ANKS1B: variants seen among roughly 807,000 people sequenced by gnomAD.
ANKS1B encodes the protein ankyrin repeat and sterile alpha motif domain containing 1B.
ANKS1B carries 36 observed loss-of-function variants against 148.3 expected under a neutral mutation model. The observed-to-expected ratio is 0.24, with a 90% CI of 0.19 to 0.32. The LOEUF (loss-of-function observed/expected upper bound fraction) is 0.32, where lower values mean the gene tolerates loss of function less well. Among genes scored for constraint, ANKS1B ranks in the 10% least tolerant of loss-of-function variants. ANKS1B has a pLI of 1.00. For missense variants in ANKS1B, 1,157 were observed against 1,542.6 expected (o/e 0.75, Z 4.19); for synonymous variants, 542 against 560.8 (o/e 0.97, Z 0.47).
At chr12:99,559,371 T>C (rs757303890) in intron 9 of ANKS1B, among the ~76,000 whole-genome samples, 39 of 152,234 alleles carry the variant, frequency 2.6e-4, no homozygotes, top group Non-Finnish European at 4.3e-4. Context: ...ATTAAATCAA[T>C]GTTTATGTCA....
chr12:99,433,500 C>G (rs1389260171), intron 11 of ANKS1B, among the ~76,000 whole-genome samples: 1 of 152,100 alleles, frequency 6.6e-6, no homozygotes, highest in African/African-American at 2.4e-5. Context: ...TCCTGAACCA[C>G]ACATTGAGAA....
At chr12:99,389,998 G>A (rs2094002793) in intron 12 of ANKS1B, among the ~76,000 whole-genome samples, 1 of 152,146 alleles carries the variant, frequency 6.6e-6, no homozygotes, top group African/African-American at 2.4e-5. Flanking sequence ...CTTGTTCCAA[G>A]CAATTTTGTG....
chr12:99,176,879 C>A (rs2078458665), intron 14 of ANKS1B, among the ~76,000 whole-genome samples: 1 of 152,160 alleles, frequency 6.6e-6, no homozygotes, highest in East Asian at 1.9e-4. Context: ...TCCTGTACAG[C>A]CTGCAGAGCC....
At chr12:99,058,061 T>G (rs755243251) in intron 16 of ANKS1B, among the ~76,000 whole-genome samples, 1 of 152,126 alleles carries the variant, frequency 6.6e-6, no homozygotes, top group Non-Finnish European at 1.5e-5. Flanking sequence ...TTAAAAACCC[T>G]TGGTGTTTAT....
chr12:99,756,979 A>G lies in ANKS1B; in HGVS notation c.1128+15943T>C, dbSNP rs1359107871. Reference sequence around the variant, plus strand: ...GATTAAAGACTTAAATGTAATACCCAAAACTATAAAAAAAATCCTGGAAGA... The same window carrying G: ...GATTAAAGACTTAAATGTAATACCCGAAACTATAAAAAAAATCCTGGAAGA... On this transcript the variant is annotated intron_variant, in intron 8 of 26. Coordinates refer to ENST00000683438, the MANE Select transcript of ANKS1B (RefSeq NM_001352186.2). 2.5e-5 allele frequency among the ~76,000 whole-genome samples: 3 copies of G among 120,562 alleles called. No homozygotes were observed. The East Asian group carries it at 8.7e-4, about 35-fold the overall frequency. The allele number at this position is 120,562 out of a possible 152,430, so 79.1% of individuals were successfully genotyped here. A position where few individuals can be genotyped will look rare whatever the true frequency, so the allele number is the denominator to read the frequency against.
At chr12:98,804,878 C>A (rs1357614370) in intron 20 of ANKS1B, among the ~76,000 whole-genome samples, 3 of 152,118 alleles carry the variant, frequency 2.0e-5, no homozygotes, top group Non-Finnish European at 4.4e-5. Flanking sequence ...TAGTAATTTT[C>A]CACTTAAAAA....
In ANKS1B at chr12:99,908,377, G is replaced by A. The variant is rs572094122; in HGVS notation, c.134+75727C>T. ...GGCAGATCGCTTGAGCTCAAAAGTTGGAGACCAGCCAGGGCAACATAGTAA... is the reference window on the plus strand; with the variant it reads ...GGCAGATCGCTTGAGCTCAAAAGTTAGAGACCAGCCAGGGCAACATAGTAA... On this transcript the variant is annotated intron_variant, in intron 1 of 26. Transcript: ENST00000683438. Among the ~76,000 whole-genome samples, 73 of 151,972 alleles carry A rather than the reference G, an allele frequency of 4.8e-4. 1 individual carries two copies. The South Asian group carries it at 0.014, about 29-fold the overall frequency.
chr12:99,410,306 C>T (rs572126682), intron 11 of ANKS1B, among the ~76,000 whole-genome samples: 5 of 151,586 alleles, frequency 3.3e-5, no homozygotes, highest in Admixed American at 2.0e-4. Context: ...ACCTTATGAA[C>T]GAAGACTTAA....
chr12:98,867,307 C>A (rs2099629666), intron 17 of ANKS1B, among the ~76,000 whole-genome samples: 1 of 152,174 alleles, frequency 6.6e-6, no homozygotes, highest in South Asian at 2.1e-4. Context: ...GTACTTTAGT[C>A]CAGACAGTGC....
intron 10 of ANKS1B, among the ~76,000 whole-genome samples, chr12:99,494,606 G>A (rs112706556): frequency 0.18 from 27,551 of 151,298 alleles, 2,587 homozygotes; most frequent in African/African-American, 0.23. Context: ...GGTGGCGGGC[G>A]CCTGTAGTCC....
At chr12:99,271,678 ATATATATATATATATT>A (rs534426611) in intron 12 of ANKS1B, among the ~76,000 whole-genome samples, 1 of 142,506 alleles carries the variant, frequency 7.0e-6, no homozygotes, top group African/African-American at 2.6e-5. Flanking sequence ...ATATATATAT[ATATATATATATATATT>A]TACTAAATGT....
At chr12:98,953,746 T>C (rs936869031) in intron 17 of ANKS1B, among the ~76,000 whole-genome samples, 3 of 152,110 alleles carry the variant, frequency 2.0e-5, no homozygotes, top group Admixed American at 6.6e-5. Context: ...TCCCACAAGC[T>C]GACTCCAGTT....
chr12:99,047,162 G>T (rs530585134), intron 17 of ANKS1B, among the ~76,000 whole-genome samples: 1 of 152,280 alleles, frequency 6.6e-6, no homozygotes, highest in East Asian at 1.9e-4. Context: ...CACTTTGGGA[G>T]GCCAAGGCAG....
At chr12:99,751,508 C>T (rs922138949) in intron 8 of ANKS1B, among the ~76,000 whole-genome samples, 1 of 152,006 alleles carries the variant, frequency 6.6e-6, no homozygotes, top group African/African-American at 2.4e-5. Context: ...AAAAGAACTA[C>T]CCCAGGCAAG....
intron 1 of ANKS1B, among the ~76,000 whole-genome samples, chr12:99,900,002 G>A (rs1399791026): frequency 6.6e-6 from 1 of 151,682 alleles, no homozygotes; most frequent in Admixed American, 6.6e-5. Context: ...GGGTTCAAGC[G>A]ATTCTCCTGC....
chr12:98,816,938 T>C (rs1175582472), intron 19 of ANKS1B, among the ~76,000 whole-genome samples: 1 of 151,526 alleles, frequency 6.6e-6, no homozygotes, highest in Non-Finnish European at 1.5e-5. Context: ...CTTTTATGAA[T>C]AGAGCCCTCC....
chr12:99,532,379 T>G (rs113709502), intron 9 of ANKS1B, among the ~76,000 whole-genome samples: 1 of 152,180 alleles, frequency 6.6e-6, no homozygotes, highest in Admixed American at 6.5e-5. Context: ...TGTTTGTTTT[T>G]GAGACGGAGT....
chr12:99,511,770 C>A (rs2153031781), intron 9 of ANKS1B, among the ~76,000 whole-genome samples: 1 of 152,076 alleles, frequency 6.6e-6, no homozygotes, highest in East Asian at 1.9e-4. Context: ...ACATCTACAA[C>A]AATCTGATCT....
chr12:99,204,611 C>T (rs989661050), intron 14 of ANKS1B, among the ~76,000 whole-genome samples: 2 of 152,180 alleles, frequency 1.3e-5, no homozygotes, highest in East Asian at 1.9e-4. Context: ...TAAATGCAGG[C>T]GTGTGCTTGA....
Sources: gnomAD v4.1 joint callset for allele counts (sites outside exome capture counted in the v4.1 genomes callset) on GRCh38, gnomAD v4.1.1 for gene constraint, MANE v1.5 for transcripts, NCBI Gene and HGNC (gene_info 2026-07-23, HGNC 2026-07-21) for gene names.